The following GALNT13 variants were observed in gnomAD, a reference collection of about 807,000 sequenced individuals.
GALNT13 encodes UDP-GalNAc:polypeptide N-acetylgalactosaminyltransferase 13.
Under a neutral mutation model 64.2 loss-of-function variants are expected in GALNT13, and 28 were observed. The observed-to-expected ratio is 0.44, with a 90% CI of 0.32 to 0.60. The LOEUF (loss-of-function observed/expected upper bound fraction) is 0.60. GALNT13 is among the 20% of genes least tolerant of loss of function. The pLI, the probability that GALNT13 is intolerant of heterozygous loss-of-function variation, is 0.05. For synonymous variants in GALNT13, 214 were observed against 224.6 expected (o/e 0.95, Z 0.42); for missense variants, 577 against 669.8 (o/e 0.86, Z 1.53).
chr2:154,332,269 C>G (rs1695207237), intron 9 of GALNT13, among the ~76,000 whole-genome samples: 1 of 152,038 alleles, frequency 6.6e-6, no homozygotes, highest in Non-Finnish European at 1.5e-5. Context: ...CTCTGCTGAG[C>G]CTAAAAATAA....
At chr2:153,884,805 A>G (rs62174146) in intron 1 of GALNT13, among the ~76,000 whole-genome samples, 88,756 of 132,782 alleles carry the variant, frequency 0.67, 30,096 homozygotes, top group East Asian at 0.81. Flanking sequence ...ATATATATAT[A>G]TGTGTGTGTG....
the GALNT13 span, among the ~76,000 whole-genome samples, chr2:153,739,602 T>C: frequency 6.9e-6 from 1 of 144,638 alleles, no homozygotes; most frequent in Admixed American, 7.1e-5. Flanking sequence ...ATTTATTTAT[T>C]TATTAAAAAT....
At chr2:154,361,323 T>C (rs1697056786) in intron 9 of GALNT13, among the ~76,000 whole-genome samples, 1 of 152,146 alleles carries the variant, frequency 6.6e-6, no homozygotes, top group Non-Finnish European at 1.5e-5. Flanking sequence ...TAAATTAGTC[T>C]CTAGCTCCAA....
the GALNT13 span, among the ~76,000 whole-genome samples, chr2:153,864,310 G>T: frequency 1.3e-5 from 2 of 152,072 alleles, no homozygotes; most frequent in African/African-American, 2.4e-5. Flanking sequence ...TCAAAACATG[G>T]AGAGAAAAGG....
chr2:154,367,497 AAC>A (rs1451462750), intron 9 of GALNT13, among the ~76,000 whole-genome samples: 6 of 152,160 alleles, frequency 3.9e-5, no homozygotes, highest in Non-Finnish European at 7.4e-5. Context: ...ATTGTGAGAG[AAC>A]ACAGTTTACA....
chr2:153,164,951 A>G, the GALNT13 span, among the ~76,000 whole-genome samples: 2 of 152,228 alleles, frequency 1.3e-5, no homozygotes, highest in Admixed American at 6.5e-5. Flanking sequence ...TGGCCAATAC[A>G]GTACTTTCAA....
chr2:154,013,781 ATGCC>A (rs1696808404), intron 3 of GALNT13, among the ~76,000 whole-genome samples: 1 of 152,134 alleles, frequency 6.6e-6, no homozygotes, highest in African/African-American at 2.4e-5. Flanking sequence ...GCACACTCAC[ATGCC>A]TGCTGTAGGA....
chr2:154,055,432 C>T (rs943391795), intron 3 of GALNT13, among the ~76,000 whole-genome samples: 11 of 152,004 alleles, frequency 7.2e-5, no homozygotes, highest in Non-Finnish European at 1.0e-4. Context: ...GAAATTTAAA[C>T]GTATTCTTTC....
At chr2:154,344,213 G>T (rs1435427459) in intron 9 of GALNT13, among the ~76,000 whole-genome samples, 1 of 151,868 alleles carries the variant, frequency 6.6e-6, no homozygotes, top group East Asian at 1.9e-4. Flanking sequence ...CACATAGTAG[G>T]CATTTACTAA....
intron 3 of GALNT13, among the ~76,000 whole-genome samples, chr2:153,990,028 A>G (rs1695058335): frequency 6.6e-6 from 1 of 152,144 alleles, no homozygotes. Flanking sequence ...CTTATCCCAG[A>G]GGAGTCATAG....
intron 12 of GALNT13, among the ~76,000 whole-genome samples, chr2:154,446,326 T>C (rs1157750334): frequency 6.6e-6 from 1 of 151,994 alleles, no homozygotes; most frequent in Non-Finnish European, 1.5e-5. Flanking sequence ...GCCAAAAATA[T>C]TTCATTATTT....
chr2:154,269,894 TTA>T (rs1323036519), intron 8 of GALNT13, among the ~76,000 whole-genome samples: 1 of 34,526 alleles, frequency 2.9e-5, no homozygotes, highest in African/African-American at 6.7e-5. Context: ...ATATATATAT[TTA>T]TATATATGTG....
rs70981698 is a variant in GALNT13, at chr2:154,049,515, T to TTATA, written c.143-90808_143-90805dup. 4.7e-3 allele frequency among the ~76,000 whole-genome samples: 679 copies of TTATA among 145,114 alleles called. 5 individuals are homozygous for TTATA. Among genetic ancestry groups the TTATA allele is most frequent in the Non-Finnish European group, 6.3e-3 (416 of 66,420 alleles). On this transcript the variant is annotated intron_variant, in intron 3 of 12. Transcript: ENST00000392825. ...AATATATATAAATATATTTTAAATA[T>TTATA]TATATATATATATATATGTATCACT... is the stretch of plus-strand genomic sequence containing the variant.
chr2:153,590,478 A>T, the GALNT13 span, among the ~76,000 whole-genome samples: 10 of 151,690 alleles, frequency 6.6e-5, no homozygotes, highest in Non-Finnish European at 1.3e-4. Context: ...TCTCTAATTC[A>T]ATGAGGCCAG....
At chr2:153,651,675 T>G in the GALNT13 span, among the ~76,000 whole-genome samples, 1 of 152,156 alleles carries the variant, frequency 6.6e-6, no homozygotes, top group African/African-American at 2.4e-5. Context: ...GAACGTACAG[T>G]TTCTAATAAT....
At chr2:154,362,571 C>G (rs1559113609) in intron 9 of GALNT13, among the ~76,000 whole-genome samples, 1 of 151,962 alleles carries the variant, frequency 6.6e-6, no homozygotes, top group Non-Finnish European at 1.5e-5. Context: ...AACTAGCCAA[C>G]CCCCACCCAA....
At chr2:154,437,736 TC>T (rs1294680420) in intron 11 of GALNT13, 2 of 381,554 alleles carry the variant, frequency 5.2e-6, no homozygotes, top group Admixed American at 6.4e-5. Context: ...ATGCCTGTAG[TC>T]CCAGCCACTC....
the GALNT13 span, among the ~76,000 whole-genome samples, chr2:153,483,410 CTTTTTTTT>C: frequency 3.1e-4 from 22 of 71,794 alleles, no homozygotes; most frequent in South Asian, 5.2e-4. Flanking sequence ...GAATAAAATT[CTTTTTTTT>C]TTTTTTTTTT....
At chr2:154,352,678 A>G (rs1454936596) in intron 9 of GALNT13, among the ~76,000 whole-genome samples, 1 of 152,222 alleles carries the variant, frequency 6.6e-6, no homozygotes, top group Non-Finnish European at 1.5e-5. Context: ...TTCTTCTTAT[A>G]CTGTGGTCAA....
Sources: gnomAD v4.1 joint callset for allele counts (sites outside exome capture counted in the v4.1 genomes callset) on GRCh38, gnomAD v4.1.1 for gene constraint, MANE v1.5 for transcripts, NCBI Gene and HGNC (gene_info 2026-07-23, HGNC 2026-07-21) for gene names.